The following IL17F variants were observed in gnomAD, a reference collection of about 807,000 sequenced individuals.
The protein encoded by IL17F is interleukin 17F.
Under a neutral mutation model 8.3 loss-of-function variants are expected in IL17F, and 6 were observed. The observed-to-expected ratio is 0.73, with a 90% CI of 0.40 to 1.43. The LOEUF is 1.43. Ranked by LOEUF, IL17F falls within the 40% of genes most tolerant of loss-of-function variation. The probability of loss-of-function intolerance (pLI) is 0.02; values close to 1 mark genes in which losing one functional copy is unlikely to be tolerated. For missense variants in IL17F, 204 were observed against 209.6 expected (o/e 0.97, Z 0.17); for synonymous variants, 98 against 81.6 (o/e 1.20, Z -1.08).
chr6:52,236,921 T>A lies in IL17F; in HGVS notation c.*10A>T. ...TCTACAGCTTCTTCAGCTGAGTGGA[T>A]ATGCACCTCTTACTGCACATGGTGG... On this transcript the variant is annotated 3_prime_UTR_variant, in exon 3 of 3. Coordinates refer to ENST00000336123, the MANE Select transcript of IL17F (RefSeq NM_052872.4). 3 of 1,601,844 alleles carry A rather than the reference T, an allele frequency of 1.9e-6. No individual in the cohort carries two copies. The highest frequency in any genetic ancestry group is 2.6e-6 in the Non-Finnish European group (3 of 1,168,830).
chr6:52,245,206 G>C (rs1764141653), upstream of IL17F, among the ~76,000 whole-genome samples: 1 of 152,156 alleles, frequency 6.6e-6, no homozygotes, highest in Non-Finnish European at 1.5e-5. Flanking sequence ...AATCAATTCT[G>C]CATCCAACGC....
chr6:52,245,641 A>G (rs1271903625), upstream of IL17F, among the ~76,000 whole-genome samples: 1 of 152,168 alleles, frequency 6.6e-6, no homozygotes, highest in Non-Finnish European at 1.5e-5. Context: ...GAACTTCCAC[A>G]AGTTCAGCGG....
chr6:52,238,656 T>C, intron 2 of IL17F, 74 bp downstream of exon 2: 2 of 1,279,878 alleles, frequency 1.6e-6, no homozygotes, highest in Admixed American at 3.8e-5. Context: ...GTATTCTACA[T>C]TTTCTACTTT....
Position 52,244,468 on chromosome 6 carries a change from T to A in IL17F, c.-39A>T. On this transcript the variant is annotated 5_prime_UTR_variant, in exon 1 of 3. Coordinates refer to ENST00000336123, the MANE Select transcript of IL17F (RefSeq NM_052872.4). The stretch of plus-strand genomic sequence containing the variant: ...CTTACTTTGTGCAGGAAGCTCTTTC[T>A]GTGAATGTATCTTCCTGTGTATGCC... 1 of 1,605,564 alleles carries A rather than the reference T, an allele frequency of 6.2e-7. No individual in the cohort carries two copies. Among genetic ancestry groups the A allele is most frequent in the East Asian group, 2.2e-5 (1 of 44,834 alleles).
chr6:52,242,829 A>G (rs1166039911), intron 1 of IL17F, among the ~76,000 whole-genome samples: 1 of 152,186 alleles, frequency 6.6e-6, no homozygotes, highest in African/African-American at 2.4e-5. Context: ...TGCTTTCTCT[A>G]TCATTATCAG....
In IL17F at chr6:52,244,366, T is replaced by G. The variant is rs370499555; in HGVS notation, c.33+31A>C. On this transcript the variant is annotated intron_variant, in intron 1 of 2. Coordinates refer to ENST00000336123, the MANE Select transcript of IL17F (RefSeq NM_052872.4). ...TTTTCTGAAATCCTAGGCATGACAG[T>G]CCTTAAACCAGAATGATTGCTGCTA... 18 of 1,608,394 alleles carry G rather than the reference T, an allele frequency of 1.1e-5. No homozygotes were observed. The African/African-American group carries it at 2.4e-4, about 21-fold the overall frequency.
At chr6:52,244,367 C>A in intron 1 of IL17F, 30 bp downstream of exon 1, 1 of 1,609,584 alleles carries the variant, frequency 6.2e-7, no homozygotes, top group Non-Finnish European at 8.5e-7. Flanking sequence ...GCATGACAGT[C>A]CTTAAACCAG....
At chr6:52,244,346 T>G (rs1312558625) in intron 1 of IL17F, 51 bp downstream of exon 1, 2 of 1,569,064 alleles carry the variant, frequency 1.3e-6, no homozygotes, top group East Asian at 2.2e-5. Flanking sequence ...TTCTGTTTTC[T>G]GAAATCCTAG....
intron 1 of IL17F, 150 bp downstream of exon 1, chr6:52,244,247 C>T: frequency 2.5e-6 from 2 of 804,588 alleles, no homozygotes; most frequent in Admixed American, 3.9e-5. Flanking sequence ...TTTTCTTTTT[C>T]TCCACCAGAC....
intron 1 of IL17F, 78 bp downstream of exon 1, chr6:52,244,319 A>T (rs938423796): frequency 7.2e-7 from 1 of 1,390,630 alleles, no homozygotes; most frequent in Non-Finnish European, 1.0e-6. Flanking sequence ...ACCCCAATCA[A>T]ACCTAATTCC....
chr6:52,244,522 G>T, upstream of IL17F: 1 of 1,210,844 alleles, frequency 8.3e-7, no homozygotes, highest in Non-Finnish European at 1.2e-6. Context: ...GTACCTGTTA[G>T]TTTTATAGCA....
intron 1 of IL17F, among the ~76,000 whole-genome samples, chr6:52,240,691 G>A (rs775601454): frequency 2.0e-5 from 3 of 152,116 alleles, no homozygotes; most frequent in Non-Finnish European, 4.4e-5. Flanking sequence ...GATTGACCCA[G>A]AAGAGTCAGA....
chr6:52,238,775 A>T lies in IL17F; in HGVS notation c.209T>A (p.Met70Lys), dbSNP rs754344583. 6.2e-7 allele frequency: 1 copy of T among 1,614,210 alleles called. No homozygotes were observed. The highest frequency in any genetic ancestry group is 1.1e-5 in the South Asian group (1 of 91,088). ...GIINENQRVS[M>K]SRNIESRSTS... ...GGAGCGGCTCTCGATGTTACGTGAC[A>T]TGGAAACGCGCTGGTTTTCATTGAT... The change falls in exon 2 of 3, where the codon ATG becomes AAG. Residue 70 changes from methionine (M) to lysine (K), a missense_variant. Physicochemically the swap from Met to Lys is moderately conservative, Grantham distance 95 (BLOSUM62 -1). Transcript: ENST00000336123.
chr6:52,236,700 T>C lies in IL17F; in HGVS notation c.*231A>G. Reference sequence around the variant, plus strand: ...GAAGTATTTTTAAATTATTAATACTTTATTATATTAGCACTGAATATATTA... The same window carrying C: ...GAAGTATTTTTAAATTATTAATACTCTATTATATTAGCACTGAATATATTA... On this transcript the variant is annotated 3_prime_UTR_variant, in exon 3 of 3. Coordinates refer to ENST00000336123, the MANE Select transcript of IL17F (RefSeq NM_052872.4). 1 of 508,928 alleles carries C rather than the reference T, an allele frequency of 2.0e-6. No homozygotes were observed. Among genetic ancestry groups the C allele is most frequent in the Non-Finnish European group, 3.5e-6 (1 of 284,214 alleles). 31.5% of individuals were successfully genotyped at this position (508,928 alleles called of 1,614,324 possible).
At chr6:52,244,890 T>C (rs890346441), upstream of IL17F, among the ~76,000 whole-genome samples, 1 of 152,346 alleles carries the variant, frequency 6.6e-6, no homozygotes, top group Non-Finnish European at 1.5e-5. Flanking sequence ...GGGAGAAAAC[T>C]CATCCTTAGA....
upstream of IL17F, chr6:52,244,531 C>T (rs1359831169): frequency 9.0e-7 from 1 of 1,116,526 alleles, no homozygotes; most frequent in Non-Finnish European, 1.4e-6. Context: ...AGTTTTATAG[C>T]AATCATTGCC....
chr6:52,243,783 G>A lies in IL17F; in HGVS notation c.33+614C>T, dbSNP rs576088389. On this transcript the variant is annotated intron_variant, in intron 1 of 2. Coordinates refer to ENST00000336123, the MANE Select transcript of IL17F (RefSeq NM_052872.4). ...AGGAGCTGCATTTTTTTTTCTTTGA[G>A]ACAGAGTCTCGCTATGTCACCCAGG... Among the ~76,000 whole-genome samples, 4 of 151,996 alleles carry A rather than the reference G, an allele frequency of 2.6e-5. No homozygotes were observed. The South Asian group carries it at 8.3e-4, about 32-fold the overall frequency.
At chr6:52,237,466 A>G (rs1763985311) in intron 2 of IL17F, among the ~76,000 whole-genome samples, 1 of 152,192 alleles carries the variant, frequency 6.6e-6, no homozygotes, top group Admixed American at 6.5e-5. Flanking sequence ...AAATGTTAGC[A>G]TTCAATTAAC....
At chr6:52,240,532 G>A (rs1443544355) in intron 1 of IL17F, among the ~76,000 whole-genome samples, 1 of 151,896 alleles carries the variant, frequency 6.6e-6, no homozygotes, top group Non-Finnish European at 1.5e-5. Context: ...AGTTAAGGTA[G>A]GGAAGGTGAT....
Sources: gnomAD v4.1 joint callset for allele counts (sites outside exome capture counted in the v4.1 genomes callset) on GRCh38, gnomAD v4.1.1 for gene constraint, MANE v1.5 for transcripts, NCBI Gene and HGNC (gene_info 2026-07-23, HGNC 2026-07-21) for gene names.